The following RTL4 variants were observed in gnomAD, a reference collection of about 807,000 sequenced individuals.
RTL4 encodes the protein retrotransposon Gag like 4, also known as retrotransposon Gag-like protein 4.
Under a neutral mutation model 5.3 loss-of-function variants are expected in RTL4, and 4 were observed. That is an observed-to-expected ratio of 0.75 (90% CI 0.37 to 1.72). The LOEUF (loss-of-function observed/expected upper bound fraction) is 1.72, where lower values mean the gene tolerates loss of function less well. RTL4 is among the 40% of genes most tolerant of loss of function. RTL4 has a pLI of 0.04. For synonymous variants in RTL4, 98 were observed against 87.3 expected (o/e 1.12, Z -0.68); for missense variants, 260 against 227.1 (o/e 1.14, Z -0.93).
At chrX:112,319,403 C>T in the RTL4 span, among the ~76,000 whole-genome samples, 1 of 112,028 alleles carries the variant, frequency 8.9e-6, no homozygotes, top group Non-Finnish European at 1.9e-5. Flanking sequence ...TATCTGTACA[C>T]TGCGCCCTTT....
chrX:112,344,391 C>T, the RTL4 span, among the ~76,000 whole-genome samples: 1 of 112,290 alleles, frequency 8.9e-6, no homozygotes, highest in African/African-American at 3.2e-5. Flanking sequence ...CAAGGTTCTG[C>T]AGGCTGTACA....
chrX:112,341,319 T>TC, the RTL4 span, among the ~76,000 whole-genome samples: 1 of 111,858 alleles, frequency 8.9e-6, no homozygotes, highest in African/African-American at 3.3e-5. Context: ...TCTGAAACTA[T>TC]CCCCTAAGAT....
chrX:112,324,862 C>A, the RTL4 span, among the ~76,000 whole-genome samples: 1 of 111,329 alleles, frequency 9.0e-6, no homozygotes, highest in Non-Finnish European at 1.9e-5. Context: ...TCTATTAATT[C>A]GAGTTAGTTT....
At chrX:112,227,854 T>C in the RTL4 span, among the ~76,000 whole-genome samples, 9 of 110,877 alleles carry the variant, frequency 8.1e-5, no homozygotes, top group Non-Finnish European at 1.9e-5. Context: ...AATATTGATG[T>C]AGTGTTTAAA....
At chrX:112,130,843 G>T in the RTL4 span, among the ~76,000 whole-genome samples, 1 of 103,215 alleles carries the variant, frequency 9.7e-6, no homozygotes, top group South Asian at 4.6e-4. Context: ...GCCCAGTCTG[G>T]AATGCAGTGG....
chrX:112,096,164 G>A, the RTL4 span, among the ~76,000 whole-genome samples: 1 of 111,704 alleles, frequency 9.0e-6, no homozygotes, highest in Non-Finnish European at 1.9e-5. Context: ...CTGTAAAATT[G>A]GTATGATAAT....
At chrX:112,128,265 A>G in the RTL4 span, among the ~76,000 whole-genome samples, 2 of 111,784 alleles carry the variant, frequency 1.8e-5, no homozygotes, top group Non-Finnish European at 3.8e-5. Context: ...ATAAACCTGT[A>G]CATTTAGAGC....
At chrX:112,161,313 C>G in the RTL4 span, among the ~76,000 whole-genome samples, 1 of 111,905 alleles carries the variant, frequency 8.9e-6, no homozygotes, top group African/African-American at 3.2e-5. Flanking sequence ...TAAAGTCTTG[C>G]AATGACATTG....
chrX:112,424,314 C>G, the RTL4 span, among the ~76,000 whole-genome samples: 2 of 111,713 alleles, frequency 1.8e-5, no homozygotes, highest in African/African-American at 3.2e-5. Context: ...AGAATTATTT[C>G]CACTTACAGA....
At chrX:112,447,391 A>C in the RTL4 span, among the ~76,000 whole-genome samples, 1 of 112,228 alleles carries the variant, frequency 8.9e-6, no homozygotes, top group East Asian at 2.8e-4. Flanking sequence ...CAGATGTGAA[A>C]ACTAAGTCTC....
the RTL4 span, among the ~76,000 whole-genome samples, chrX:112,228,008 G>T: frequency 6.3e-5 from 7 of 111,373 alleles, no homozygotes; most frequent in Admixed American, 4.8e-4. Flanking sequence ...TTCACTCTCT[G>T]CTAGTCTGCA....
chrX:112,246,626 C>T, the RTL4 span, among the ~76,000 whole-genome samples: 2 of 111,725 alleles, frequency 1.8e-5, no homozygotes, highest in Non-Finnish European at 3.8e-5. Flanking sequence ...CAGTCTTTCA[C>T]GGCTTCCCTT....
the RTL4 span, among the ~76,000 whole-genome samples, chrX:112,380,274 G>A: frequency 9.1e-6 from 1 of 109,643 alleles, no homozygotes; most frequent in Non-Finnish European, 1.9e-5. Context: ...AGCCTCCCTA[G>A]TAGCTGGGAC....
At chrX:112,313,717 G>C in the RTL4 span, among the ~76,000 whole-genome samples, 3 of 109,658 alleles carry the variant, frequency 2.7e-5, no homozygotes, top group Non-Finnish European at 5.7e-5. Context: ...TTATCTGAAG[G>C]CCAAATTCAG....
At chrX:112,310,793 A>G in the RTL4 span, among the ~76,000 whole-genome samples, 1 of 84,044 alleles carries the variant, frequency 1.2e-5, no homozygotes, top group Non-Finnish European at 2.2e-5. Flanking sequence ...TTAATATTAT[A>G]TATAATTCTA....
At chrX:112,300,000 T>A in the RTL4 span, among the ~76,000 whole-genome samples, 1 of 111,462 alleles carries the variant, frequency 9.0e-6, no homozygotes, top group Non-Finnish European at 1.9e-5. Context: ...CCATTGGTAG[T>A]CCCATGCCTC....
the RTL4 span, among the ~76,000 whole-genome samples, chrX:112,223,538 C>T: frequency 4.5e-5 from 5 of 112,271 alleles, no homozygotes; most frequent in African/African-American, 1.3e-4. Context: ...ACAGCTCTTC[C>T]GTGTAATCTA....
At chrX:112,275,602 G>A in the RTL4 span, among the ~76,000 whole-genome samples, 5 of 111,272 alleles carry the variant, frequency 4.5e-5, no homozygotes, top group South Asian at 3.8e-4. Context: ...CAGTCTCACC[G>A]GATTGTTGGA....
the RTL4 span, among the ~76,000 whole-genome samples, chrX:112,181,389 G>A: frequency 1.3e-4 from 14 of 111,767 alleles, no homozygotes; most frequent in East Asian, 2.0e-3. Context: ...CTAGCTCAGC[G>A]GATCCCACCA....
Sources: allele counts gnomAD v4.1 joint callset (sites outside exome capture counted in the v4.1 genomes callset), GRCh38; gene constraint gnomAD v4.1.1; transcripts MANE v1.5; gene names NCBI Gene and HGNC (gene_info 2026-07-23, HGNC 2026-07-21).